SLC44A5: variants seen among roughly 807,000 people sequenced by gnomAD.
SLC44A5 encodes solute carrier family 44 member 5.
A neutral mutation model predicts 101.8 loss-of-function variants in SLC44A5; 57 were observed. The ratio of observed to expected loss-of-function variants is 0.56; its 90% CI spans 0.45 to 0.70. The LOEUF (loss-of-function observed/expected upper bound fraction) is 0.70. Among genes scored for constraint, SLC44A5 ranks in the 30% least tolerant of loss-of-function variants. The pLI is 0.00. For missense variants in SLC44A5, 737 were observed against 853.1 expected (o/e 0.86, Z 1.70); for synonymous variants, 281 against 290.9 (o/e 0.97, Z 0.35).
chr1:75,503,484 C>T (rs1669081725), intron 2 of SLC44A5, among the ~76,000 whole-genome samples: 1 of 152,150 alleles, frequency 6.6e-6, no homozygotes, highest in Non-Finnish European at 1.5e-5. Context: ...CCTCTTCACC[C>T]TTCTGCCATG....
At chr1:75,388,145 G>A (rs1283003868) in intron 3 of SLC44A5, among the ~76,000 whole-genome samples, 1 of 142,708 alleles carries the variant, frequency 7.0e-6, no homozygotes, top group Non-Finnish European at 1.5e-5. Context: ...GCACCAGCAT[G>A]GCACATGTAT....
chr1:75,323,628 T>G (rs1315863806), intron 4 of SLC44A5, among the ~76,000 whole-genome samples: 1 of 152,228 alleles, frequency 6.6e-6, no homozygotes, highest in African/African-American at 2.4e-5. Flanking sequence ...ATAATTCTAT[T>G]TCAACAAAAG....
intron 1 of SLC44A5, among the ~76,000 whole-genome samples, chr1:75,607,431 A>G (rs561895203): frequency 1.9e-4 from 29 of 151,948 alleles, no homozygotes; most frequent in Non-Finnish European, 4.1e-4. Flanking sequence ...GCAACTTTTT[A>G]TTTTAAAATA....
chr1:75,668,710 A>C, the SLC44A5 span, among the ~76,000 whole-genome samples: 3 of 151,548 alleles, frequency 2.0e-5, no homozygotes, highest in South Asian at 4.2e-4. Context: ...AAACAGACCA[A>C]TTGGCTGGGC....
chr1:75,686,468 G>A, the SLC44A5 span, among the ~76,000 whole-genome samples: 8 of 152,298 alleles, frequency 5.3e-5, no homozygotes, highest in African/African-American at 1.7e-4. Context: ...CAATAAGTAC[G>A]GAAGCCCTAA....
chr1:75,253,891 T>G (rs2100657538), intron 6 of SLC44A5, among the ~76,000 whole-genome samples: 1 of 152,306 alleles, frequency 6.6e-6, no homozygotes, highest in Admixed American at 6.5e-5. Flanking sequence ...TCAGATGTTT[T>G]GGAATGAATG....
At chr1:75,222,713 A>T (rs1647113338) in intron 13 of SLC44A5, among the ~76,000 whole-genome samples, 1 of 152,210 alleles carries the variant, frequency 6.6e-6, no homozygotes, top group Admixed American at 6.5e-5. Flanking sequence ...CCATAAAAGC[A>T]TTTCACACAA....
At chr1:75,602,502 C>T (rs896631892) in intron 1 of SLC44A5, among the ~76,000 whole-genome samples, 1 of 152,054 alleles carries the variant, frequency 6.6e-6, no homozygotes, top group African/African-American at 2.4e-5. Flanking sequence ...CCTATCATAC[C>T]TCATACAGTT....
rs1250946140 is a variant in SLC44A5 at position 75,385,854 on chromosome 1, T to A, written c.52+10729A>T. ...ATCCAGCAGCACATCCAAAAGCTTA[T>A]CCACCATGATCAAATCGGCTTCATC... On this transcript the variant is annotated intron_variant, in intron 3 of 23. Coordinates refer to ENST00000370859, the MANE Select transcript of SLC44A5 (RefSeq NM_001130058.2). 2.0e-5 allele frequency among the ~76,000 whole-genome samples: 3 copies of A among 152,128 alleles called. No individual in the cohort carries two copies. In the East Asian group the frequency reaches 5.8e-4, roughly 29 times the overall value.
intron 1 of SLC44A5, among the ~76,000 whole-genome samples, chr1:75,558,084 A>G (rs184864184): frequency 2.9e-4 from 44 of 152,220 alleles, no homozygotes; most frequent in Admixed American, 1.6e-3. Context: ...CAATTTGATA[A>G]CTGCTACAGT....
At chr1:75,206,464 G>A in intron 23 of SLC44A5, 1 of 592,998 alleles carries the variant, frequency 1.7e-6, no homozygotes, top group East Asian at 2.8e-5. Flanking sequence ...TCAAATACCT[G>A]ACACCTCAGG....
chr1:75,273,020 T>A (rs963928644), intron 6 of SLC44A5, among the ~76,000 whole-genome samples: 1 of 152,182 alleles, frequency 6.6e-6, no homozygotes, highest in African/African-American at 2.4e-5. Context: ...GAGCATAGGA[T>A]GGGTTTCCAT....
chr1:75,403,836 A>T (rs1662669337), intron 2 of SLC44A5, among the ~76,000 whole-genome samples: 1 of 152,166 alleles, frequency 6.6e-6, no homozygotes, highest in Non-Finnish European at 1.5e-5. Flanking sequence ...ACAAAACTGG[A>T]CAGAGAATGA....
At chr1:75,267,804 C>A (rs1439929207) in intron 6 of SLC44A5, among the ~76,000 whole-genome samples, 1 of 152,028 alleles carries the variant, frequency 6.6e-6, no homozygotes, top group Non-Finnish European at 1.5e-5. Flanking sequence ...CTTCTGGGCT[C>A]AAGTGATTGG....
At chr1:75,476,306 G>A (rs1667396175) in intron 2 of SLC44A5, among the ~76,000 whole-genome samples, 1 of 152,242 alleles carries the variant, frequency 6.6e-6, no homozygotes, top group Admixed American at 6.5e-5. Context: ...CTGGTCTACA[G>A]CTCCCAGCGT....
rs555138004 is a variant in SLC44A5, at chr1:75,563,719, A to T, written c.-69-22203T>A. ...TATCAAATGTAAATGAAATTGTTATATTTATAAGACCGCATTATCCTAAAC... is the reference window on the plus strand; with the variant it reads ...TATCAAATGTAAATGAAATTGTTATTTTTATAAGACCGCATTATCCTAAAC... On this transcript the variant is annotated intron_variant, in intron 1 of 23. Transcript: ENST00000370859. 1.4e-4 allele frequency among the ~76,000 whole-genome samples: 22 copies of T among 152,244 alleles called. No individual in the cohort carries two copies. In the South Asian group the frequency reaches 4.3e-3, roughly 30 times the overall value.
intron 8 of SLC44A5, 63 bp from the exon 9 acceptor site, chr1:75,242,124 C>A: frequency 1.5e-6 from 2 of 1,296,602 alleles, no homozygotes; most frequent in South Asian, 1.3e-5. Flanking sequence ...TATACTGAAT[C>A]TAAATATGTC....
intron 1 of SLC44A5, among the ~76,000 whole-genome samples, chr1:75,590,827 G>C (rs1674310037): frequency 6.6e-6 from 1 of 152,150 alleles, no homozygotes; most frequent in Admixed American, 6.6e-5. Flanking sequence ...TTTGATTCTA[G>C]TGCCTGACTC....
At chr1:75,413,187 T>A (rs1448216658) in intron 2 of SLC44A5, among the ~76,000 whole-genome samples, 2 of 152,146 alleles carry the variant, frequency 1.3e-5, no homozygotes, top group East Asian at 3.9e-4. Flanking sequence ...AACTTTATCA[T>A]AGGTGTATAT....
Sources: allele counts gnomAD v4.1 joint callset (sites outside exome capture counted in the v4.1 genomes callset), GRCh38; gene constraint gnomAD v4.1.1; transcripts MANE v1.5; gene names NCBI Gene and HGNC (gene_info 2026-07-23, HGNC 2026-07-21).